PPP2R2C: variants seen among roughly 807,000 people sequenced by gnomAD.
PPP2R2C encodes the protein protein phosphatase 2, regulatory subunit B, gamma.
PPP2R2C carries 10 observed loss-of-function variants against 45.3 expected under a neutral mutation model. The ratio of observed to expected loss-of-function variants is 0.22; its 90% CI spans 0.14 to 0.37. The LOEUF (loss-of-function observed/expected upper bound fraction) is 0.37, where lower values mean the gene tolerates loss of function less well. Among genes scored for constraint, PPP2R2C ranks in the 10% least tolerant of loss-of-function variants. The pLI, the probability that PPP2R2C is intolerant of heterozygous loss-of-function variation, is 1.00. For synonymous variants in PPP2R2C, 257 were observed against 245.4 expected, an observed-to-expected ratio of 1.05 and a Z score of -0.44; for missense variants, 308 against 619.7, an observed-to-expected ratio of 0.50 and a Z score of 5.34.
chr4:6,512,368 G>A (rs1208312606), intron 2 of PPP2R2C, among the ~76,000 whole-genome samples: 2 of 113,710 alleles, frequency 1.8e-5, no homozygotes, highest in African/African-American at 3.4e-5. Context: ...GATGGTGGTG[G>A]TGGTGGTGGT....
chr4:6,434,428 G>A (rs569865457), intron 1 of PPP2R2C, among the ~76,000 whole-genome samples: 13 of 135,630 alleles, frequency 9.6e-5, no homozygotes, highest in East Asian at 2.2e-4. Flanking sequence ...GCGTGATCTC[G>A]GCTCACTGCA....
intron 8 of PPP2R2C, among the ~76,000 whole-genome samples, chr4:6,326,259 A>C (rs1464555499): frequency 3.3e-5 from 5 of 152,150 alleles, no homozygotes; most frequent in East Asian, 1.9e-4. Context: ...GTGTAAGAAG[A>C]AGCAGGGAGG....
At chr4:6,335,460 G>T (rs944623319) in intron 6 of PPP2R2C, among the ~76,000 whole-genome samples, 2 of 152,180 alleles carry the variant, frequency 1.3e-5, no homozygotes, top group East Asian at 1.9e-4. Context: ...TGCAGGCAGA[G>T]AAAGGAGTGA....
In PPP2R2C at chr4:6,490,068, G is replaced by A. The variant is rs576865720; in HGVS notation, c.49+45203C>T. ...GCTCTCTAGTGATCAATAATTCACA[G>A]CACTTGCCAGCCATGTGTGCAGCCC... is the stretch of plus-strand genomic sequence containing the variant. On this transcript the variant is annotated intron_variant, in intron 2 of 9. Coordinates refer to the PPP2R2C transcript ENST00000506140. Among the ~76,000 whole-genome samples, 9 of 152,298 alleles carry A rather than the reference G, an allele frequency of 5.9e-5. No individual in the cohort carries two copies. In the South Asian group the frequency reaches 1.2e-3, roughly 21 times the overall value.
At chr4:6,387,478 GA>G (rs1716293578) in intron 1 of PPP2R2C, among the ~76,000 whole-genome samples, 1 of 152,142 alleles carries the variant, frequency 6.6e-6, no homozygotes, top group Non-Finnish European at 1.5e-5. Flanking sequence ...TTAAAACCTG[GA>G]AACCCAGAAT....
rs1202360009 is a variant in PPP2R2C at position 6,383,169 on chromosome 4, G to A, written c.71-2075C>T. 7 of 1,175,932 alleles carry A rather than the reference G, an allele frequency of 6.0e-6. No individual in the cohort carries two copies. In the South Asian group the frequency reaches 8.0e-5, roughly 13 times the overall value. 72.8% of individuals were successfully genotyped at this position (1,175,932 alleles called of 1,614,324 possible). A position where few individuals can be genotyped will look rare whatever the true frequency, so the allele number is the denominator to read the frequency against. On this transcript the variant is annotated intron_variant, in intron 1 of 8. Transcript: ENST00000382599. The stretch of plus-strand genomic sequence containing the variant: ...CCATCAACGCCTCTGGCGGTACCAG[G>A]AGCAGGACCTGCGCAGGCTGGCCCA...
At chr4:6,388,310 G>A (rs1034120367) in intron 1 of PPP2R2C, among the ~76,000 whole-genome samples, 4 of 152,170 alleles carry the variant, frequency 2.6e-5, no homozygotes, top group African/African-American at 4.8e-5. Flanking sequence ...CTAGTGACCC[G>A]CCCAGTAACA....
intron 1 of PPP2R2C, among the ~76,000 whole-genome samples, chr4:6,553,303 T>A (rs1300991762): frequency 6.6e-6 from 1 of 152,166 alleles, no homozygotes; most frequent in African/African-American, 2.4e-5. Context: ...GGACCACAGG[T>A]GATGCAGCCT....
chr4:6,443,042 C>T (rs1478645670), intron 1 of PPP2R2C, among the ~76,000 whole-genome samples: 1 of 152,220 alleles, frequency 6.6e-6, no homozygotes, highest in Non-Finnish European at 1.5e-5. Context: ...CTGCCCACCT[C>T]CCATTTCCGT....
At chr4:6,560,549 C>T (rs1009529634) in intron 1 of PPP2R2C, among the ~76,000 whole-genome samples, 1 of 152,112 alleles carries the variant, frequency 6.6e-6, no homozygotes, top group Non-Finnish European at 1.5e-5. Flanking sequence ...CAGGTTGTGG[C>T]GGAAGGAAAG....
At chr4:6,410,330 G>C (rs1718079876) in intron 1 of PPP2R2C, among the ~76,000 whole-genome samples, 1 of 152,074 alleles carries the variant, frequency 6.6e-6, no homozygotes, top group African/African-American at 2.4e-5. Context: ...CTCTGTTCCG[G>C]GTATGCCCTC....
At chr4:6,327,658 G>A (rs1193895735) in intron 8 of PPP2R2C, among the ~76,000 whole-genome samples, 1 of 152,212 alleles carries the variant, frequency 6.6e-6, no homozygotes, top group Admixed American at 6.5e-5. Context: ...GTCTGCTGGG[G>A]GTGTCTGGGA....
intron 2 of PPP2R2C, among the ~76,000 whole-genome samples, chr4:6,505,460 T>C (rs1229860837): frequency 6.6e-6 from 1 of 152,182 alleles, no homozygotes; most frequent in African/African-American, 2.4e-5. Flanking sequence ...TATATATCAA[T>C]ATAATCCATT....
At chr4:6,431,695 G>C (rs1402451288) in intron 1 of PPP2R2C, among the ~76,000 whole-genome samples, 1 of 152,104 alleles carries the variant, frequency 6.6e-6, no homozygotes, top group Non-Finnish European at 1.5e-5. Flanking sequence ...CCACACCTCG[G>C]GGCCTGCCTC....
chr4:6,487,207 A>G (rs750278980), intron 2 of PPP2R2C, among the ~76,000 whole-genome samples: 3 of 152,026 alleles, frequency 2.0e-5, no homozygotes, highest in Non-Finnish European at 4.4e-5. Flanking sequence ...CTCACACTAC[A>G]TGGTTATTAT....
intron 2 of PPP2R2C, among the ~76,000 whole-genome samples, chr4:6,533,084 G>A (rs1487103703): frequency 1.3e-5 from 2 of 152,164 alleles, no homozygotes; most frequent in South Asian, 2.1e-4. Flanking sequence ...CACAGAATTC[G>A]GAAAGGCTGG....
chr4:6,442,659 A>C (rs1306299933), intron 1 of PPP2R2C, among the ~76,000 whole-genome samples: 1 of 152,190 alleles, frequency 6.6e-6, no homozygotes, highest in Non-Finnish European at 1.5e-5. Context: ...TTTTATATGA[A>C]TTAACTCACT....
At chr4:6,382,061 C>A (rs896858853) in intron 1 of PPP2R2C, 1 of 1,401,588 alleles carries the variant, frequency 7.1e-7, no homozygotes, top group Admixed American at 3.3e-5. Context: ...GCCTGCTCCA[C>A]CAACAAGTTT....
rs367728968 is a variant in PPP2R2C, at chr4:6,456,304, A to AT, written c.70+15855dup. Reference sequence around the variant, plus strand: ...CTGGAGTAGTGAAATGAAGGATGTTATTTCCCCCCCCCCCCTTTATTCTAC... The same window carrying AT: ...CTGGAGTAGTGAAATGAAGGATGTTATTTTCCCCCCCCCCCCTTTATTCTAC... On this transcript the variant is annotated intron_variant, in intron 1 of 8. Coordinates refer to ENST00000382599, the MANE Select transcript of PPP2R2C (RefSeq NM_020416.4). 7.8e-3 allele frequency among the ~76,000 whole-genome samples: 277 copies of AT among 35,644 alleles called. 2 individuals are homozygous for AT. The highest frequency in any genetic ancestry group is 0.035 in the East Asian group (80 of 2,284). 23.4% of individuals were successfully genotyped at this position (35,644 alleles called of 152,430 possible). A position where few individuals can be genotyped will look rare whatever the true frequency, so the allele number is the denominator to read the frequency against.
Sources: allele counts gnomAD v4.1 joint callset (sites outside exome capture counted in the v4.1 genomes callset), GRCh38; gene constraint gnomAD v4.1.1; transcripts MANE v1.5; gene names NCBI Gene and HGNC (gene_info 2026-07-23, HGNC 2026-07-21).